Variants in VPS13C observed in about 807,000 individuals in gnomAD.
VPS13C encodes vacuolar protein sorting 13 homolog C, also known as intermembrane lipid transfer protein VPS13C.
In VPS13C, 358 loss-of-function variants were observed where a neutral mutation model predicts 456.8. The observed-to-expected ratio is 0.78, with a 90% CI of 0.72 to 0.86. The LOEUF is 0.86. VPS13C is among the 40% of genes least tolerant of loss of function. The probability of loss-of-function intolerance (pLI) is 0.00; values close to 1 mark genes in which losing one functional copy is unlikely to be tolerated. For synonymous variants in VPS13C, 1,578 were observed against 1,486.7 expected (o/e 1.06, Z -1.41); for missense variants, 4,818 against 4,385.4 (o/e 1.10, Z -2.79).
chr15:61,864,971 G>C, intron 81 of VPS13C: 2 of 982,994 alleles, frequency 2.0e-6, no homozygotes, highest in Non-Finnish European at 2.4e-6. Context: ...TAGTTATTAG[G>C]CTATTGTGCT....
At position 61,918,181 on chromosome 15, in the gene VPS13C, A is replaced by G; in HGVS notation, c.7715T>C (p.Ile2572Thr). The change falls in exon 59 of 85, where the codon ATA (isoleucine) becomes ACA (threonine). Residue 2572 changes from isoleucine (I) to threonine (T), a missense_variant. Transcript: ENST00000644861. ...KNVKLLERIGIARPEEEFHVP... is the reference protein window; with the variant it reads ...KNVKLLERIGTARPEEEFHVP... ...ATGGAACTCCTCTTCAGGTCTGGCT[A>G]TCCCAATGCGCTCCAATAGCTTAAC... is the stretch of plus-strand genomic sequence containing the variant. 6.2e-7 allele frequency: 1 copy of G among 1,601,558 alleles called. No homozygotes were observed. Among genetic ancestry groups the G allele is most frequent in the Non-Finnish European group, 8.5e-7 (1 of 1,175,572 alleles).
intron 16 of VPS13C, among the ~76,000 whole-genome samples, chr15:61,995,021 T>A (rs1435700674): frequency 1.3e-5 from 2 of 152,212 alleles, no homozygotes; most frequent in Non-Finnish European, 2.9e-5. Flanking sequence ...CACTTACTGC[T>A]CCATTTATCT....
intron 3 of VPS13C, among the ~76,000 whole-genome samples, chr15:62,039,621 C>T (rs1272453789): frequency 1.3e-5 from 2 of 152,124 alleles, no homozygotes; most frequent in African/African-American, 4.8e-5. Context: ...CTCAACATCA[C>T]ATCATCACAG....
At chr15:61,903,964 C>T (rs923141055) in intron 66 of VPS13C, among the ~76,000 whole-genome samples, 6 of 152,076 alleles carry the variant, frequency 3.9e-5, no homozygotes, top group African/African-American at 1.2e-4. Flanking sequence ...CTACCTCTTG[C>T]CATATGCAAA....
chr15:61,993,865 G>A (rs191323114), intron 16 of VPS13C, among the ~76,000 whole-genome samples: 5 of 152,138 alleles, frequency 3.3e-5, no homozygotes, highest in Admixed American at 2.0e-4. Flanking sequence ...ACTATATTAT[G>A]TAGATGTAAG....
Position 61,873,214 on chromosome 15 carries a change from C to T in VPS13C, c.10578+32G>A, listed in dbSNP as rs151057505. 5.6e-6 allele frequency: 9 copies of T among 1,609,186 alleles called. No homozygotes were observed. In the African/African-American group the frequency reaches 9.4e-5, roughly 17 times the overall value. On this transcript the variant is annotated intron_variant, in intron 78 of 84. Coordinates refer to ENST00000644861, the MANE Select transcript of VPS13C (RefSeq NM_020821.3). ...CTAGAATACACTTTTTTTTAAGTTG[C>T]AGATTTCTTAAAGATTCAGCAAAGA...
chr15:61,964,410 G>A (rs1402070280), intron 31 of VPS13C, among the ~76,000 whole-genome samples: 1 of 151,948 alleles, frequency 6.6e-6, no homozygotes, highest in Non-Finnish European at 1.5e-5. Flanking sequence ...CCCTTCAGGA[G>A]CCACTGAGCG....
At chr15:61,856,562 T>G in intron 82 of VPS13C, 153 bp from the exon 83 acceptor site, 1 of 786,810 alleles carries the variant, frequency 1.3e-6, no homozygotes, top group Non-Finnish European at 1.9e-6. Flanking sequence ...TTTTTTTAAG[T>G]CTAGATAACT....
chr15:62,038,681 G>A (rs2048142798), intron 3 of VPS13C, among the ~76,000 whole-genome samples: 7 of 151,786 alleles, frequency 4.6e-5, no homozygotes, highest in Admixed American at 4.6e-4. Context: ...CTACAGAAAG[G>A]TAGAAAATAT....
At chr15:61,976,445 G>A (rs190645449) in intron 24 of VPS13C, among the ~76,000 whole-genome samples, 1 of 151,922 alleles carries the variant, frequency 6.6e-6, no homozygotes, top group Non-Finnish European at 1.5e-5. Context: ...CAAATCTATA[G>A]TGTCAGAAAG....
chr15:62,006,566 T>C (rs1672690771), intron 15 of VPS13C, among the ~76,000 whole-genome samples: 1 of 152,190 alleles, frequency 6.6e-6, no homozygotes, highest in Non-Finnish European at 1.5e-5. Flanking sequence ...AATAAACATA[T>C]GTGTGCATGT....
rs549464075 is a variant in VPS13C at position 61,905,051 on chromosome 15, G to A, written c.9105+2213C>T. 2.6e-5 allele frequency among the ~76,000 whole-genome samples: 4 copies of A among 152,210 alleles called. No homozygotes were observed. The East Asian group carries it at 7.7e-4, about 29-fold the overall frequency. On this transcript the variant is annotated intron_variant, in intron 66 of 84. Transcript: ENST00000644861. ...ATATAGTCAGAAGGAGTAACATCTT[G>A]TTGTGTTAGCTAGTACAGTAGGGTT...
At chr15:62,023,545 G>A in intron 7 of VPS13C, 25 bp from the exon 8 acceptor site, 1 of 1,503,736 alleles carries the variant, frequency 6.7e-7, no homozygotes, top group Non-Finnish European at 9.0e-7. Flanking sequence ...AAAAATACAA[G>A]CTCAAGAGTT....
intron 38 of VPS13C, among the ~76,000 whole-genome samples, chr15:61,953,094 G>A (rs1450080052): frequency 6.6e-6 from 1 of 151,838 alleles, no homozygotes; most frequent in Non-Finnish European, 1.5e-5. Context: ...ATGATAAAAC[G>A]GATCTTAGAG....
chr15:62,000,973 C>T (rs1337335396), intron 15 of VPS13C, among the ~76,000 whole-genome samples: 2 of 152,180 alleles, frequency 1.3e-5, no homozygotes, highest in Non-Finnish European at 2.9e-5. Context: ...CTTCTAACTC[C>T]CCCCATTCTT....
intron 66 of VPS13C, among the ~76,000 whole-genome samples, chr15:61,894,257 G>A (rs557532539): frequency 1.1e-4 from 17 of 151,712 alleles, no homozygotes; most frequent in African/African-American, 3.6e-4. Flanking sequence ...GCAGTGAGAC[G>A]AGATTGCACC....
At chr15:62,009,821 T>C (rs2046980699) in intron 13 of VPS13C, among the ~76,000 whole-genome samples, 1 of 152,156 alleles carries the variant, frequency 6.6e-6, no homozygotes, top group South Asian at 2.1e-4. Context: ...ATAGCTGTTC[T>C]AAAAATTAAA....
chr15:61,983,541 C>T (rs114749605), intron 20 of VPS13C, among the ~76,000 whole-genome samples: 9 of 151,864 alleles, frequency 5.9e-5, no homozygotes, highest in African/African-American at 2.2e-4. Flanking sequence ...ATTTGGAAGT[C>T]GTTGGCAAAT....
At chr15:61,887,015 C>T (rs1343013386) in intron 67 of VPS13C, among the ~76,000 whole-genome samples, 1 of 152,188 alleles carries the variant, frequency 6.6e-6, no homozygotes, top group Non-Finnish European at 1.5e-5. Context: ...AGTATTTCCA[C>T]TCTCAACCAT....
Sources: allele counts gnomAD v4.1 joint callset (sites outside exome capture counted in the v4.1 genomes callset), GRCh38; gene constraint gnomAD v4.1.1; transcripts MANE v1.5; gene names NCBI Gene and HGNC (gene_info 2026-07-23, HGNC 2026-07-21).